The following ADRA1B variants were observed in gnomAD, a reference collection of about 807,000 sequenced individuals.
The protein encoded by ADRA1B is alpha-1B adrenergic receptor.
ADRA1B carries 17 observed loss-of-function variants against 17.9 expected under a neutral mutation model. The ratio of observed to expected loss-of-function variants is 0.95; its 90% CI spans 0.65 to 1.42. The LOEUF (loss-of-function observed/expected upper bound fraction) is 1.42. ADRA1B is among the 40% of genes most tolerant of loss of function. The probability of loss-of-function intolerance (pLI) is 0.00; values close to 1 mark genes in which losing one functional copy is unlikely to be tolerated. For synonymous variants in ADRA1B, 366 were observed against 327.6 expected (o/e 1.12, Z -1.27); for missense variants, 681 against 722.1 (o/e 0.94, Z 0.65).
chr5:159,910,360 G>T (rs559212859), intron 1 of ADRA1B, among the ~76,000 whole-genome samples: 1 of 152,326 alleles, frequency 6.6e-6, no homozygotes, highest in South Asian at 2.1e-4. Context: ...TTCAAACTCA[G>T]AATCTGTGCC....
chr5:159,953,885 G>A (rs1755498505), intron 1 of ADRA1B, among the ~76,000 whole-genome samples: 1 of 151,284 alleles, frequency 6.6e-6, no homozygotes, highest in African/African-American at 2.4e-5. Flanking sequence ...TATGTGAAAA[G>A]AGCTGGTGAA....
the ADRA1B span, among the ~76,000 whole-genome samples, chr5:159,979,327 G>A: frequency 6.6e-6 from 1 of 152,156 alleles, no homozygotes; most frequent in Non-Finnish European, 1.5e-5. Flanking sequence ...TCCTCTGAGA[G>A]GGTCAGTTTT....
At chr5:159,894,519 C>T (rs542345243) in intron 1 of ADRA1B, among the ~76,000 whole-genome samples, 5 of 152,058 alleles carry the variant, frequency 3.3e-5, no homozygotes, top group African/African-American at 9.7e-5. Context: ...AGCTTCCCAT[C>T]GGTTTAGGTC....
the ADRA1B span, among the ~76,000 whole-genome samples, chr5:159,980,803 GA>G: frequency 1.3e-5 from 2 of 152,092 alleles, no homozygotes. Flanking sequence ...TGGAGACTTA[GA>G]ATTAGCCATC....
At chr5:159,973,892 C>G (rs1755932804), downstream of ADRA1B, among the ~76,000 whole-genome samples, 1 of 152,212 alleles carries the variant, frequency 6.6e-6, no homozygotes, top group Non-Finnish European at 1.5e-5. Flanking sequence ...TGAGCAAAAT[C>G]TGAAACATTT....
At chr5:159,930,381 A>G (rs1268486168) in intron 1 of ADRA1B, among the ~76,000 whole-genome samples, 2 of 152,198 alleles carry the variant, frequency 1.3e-5, no homozygotes, top group African/African-American at 4.8e-5. Flanking sequence ...TGTAATCCCA[A>G]CACTTTGGGA....
intron 1 of ADRA1B, among the ~76,000 whole-genome samples, chr5:159,901,378 AGGAGG>A (rs1305760149): frequency 2.8e-5 from 3 of 106,380 alleles, no homozygotes; most frequent in Non-Finnish European, 5.6e-5. Context: ...AAGAAGAGGA[AGGAGG>A]AGGAGGAGGA....
intron 1 of ADRA1B, among the ~76,000 whole-genome samples, chr5:159,867,248 C>T (rs565838074): frequency 6.6e-6 from 1 of 152,170 alleles, no homozygotes; most frequent in Non-Finnish European, 1.5e-5. Flanking sequence ...ATCCTCAAGA[C>T]ATTTGCATTT....
chr5:159,960,780 GTGC>G (rs915870316), intron 1 of ADRA1B, among the ~76,000 whole-genome samples: 6 of 151,228 alleles, frequency 4.0e-5, no homozygotes, highest in Non-Finnish European at 7.4e-5. Context: ...CAGCACTCAG[GTGC>G]TGCTTATCCA....
intron 1 of ADRA1B, among the ~76,000 whole-genome samples, chr5:159,884,395 T>G (rs1284511463): frequency 6.6e-6 from 1 of 152,156 alleles, no homozygotes; most frequent in Non-Finnish European, 1.5e-5. Context: ...GGAAGTGGGT[T>G]TGTTATTATG....
At chr5:159,988,758 C>T in the ADRA1B span, among the ~76,000 whole-genome samples, 7 of 152,186 alleles carry the variant, frequency 4.6e-5, no homozygotes, top group Non-Finnish European at 8.8e-5. Context: ...GGGAGGATCA[C>T]TTGAGCCCAG....
At chr5:159,891,210 C>T (rs538226368) in intron 1 of ADRA1B, among the ~76,000 whole-genome samples, 1 of 152,234 alleles carries the variant, frequency 6.6e-6, no homozygotes, top group Non-Finnish European at 1.5e-5. Flanking sequence ...ATTTCAATAA[C>T]CCCTCAGAGC....
chr5:159,943,785 C>T (rs187248056), intron 1 of ADRA1B, among the ~76,000 whole-genome samples: 1 of 152,128 alleles, frequency 6.6e-6, no homozygotes, highest in Admixed American at 6.5e-5. Context: ...TAAAGGAACA[C>T]GATGAAACAT....
intron 1 of ADRA1B, among the ~76,000 whole-genome samples, chr5:159,959,267 A>T (rs1229053243): frequency 2.6e-5 from 4 of 152,252 alleles, no homozygotes; most frequent in Non-Finnish European, 5.9e-5. Context: ...GTGTTGGCAC[A>T]TGAATGTCAT....
chr5:159,986,705 T>C, the ADRA1B span, among the ~76,000 whole-genome samples: 2 of 152,158 alleles, frequency 1.3e-5, no homozygotes, highest in African/African-American at 2.4e-5. Context: ...ATGGACCAGA[T>C]ATTGAGAAGC....
intron 1 of ADRA1B, among the ~76,000 whole-genome samples, chr5:159,957,854 G>A (rs978262784): frequency 1.3e-4 from 19 of 148,816 alleles, no homozygotes; most frequent in Non-Finnish European, 2.2e-4. Context: ...ACTTGAACCC[G>A]GGAGGTGAAG....
chr5:159,885,308 C>T (rs1335705694), intron 1 of ADRA1B, among the ~76,000 whole-genome samples: 1 of 152,106 alleles, frequency 6.6e-6, no homozygotes, highest in Non-Finnish European at 1.5e-5. Flanking sequence ...CTAATAGAAC[C>T]TCAATCAACT....
At chr5:159,957,396 T>C (rs1435471224) in intron 1 of ADRA1B, among the ~76,000 whole-genome samples, 1 of 151,310 alleles carries the variant, frequency 6.6e-6, no homozygotes, top group East Asian at 2.0e-4. Context: ...GTTCAGCAAC[T>C]CTGTAAGCTG....
At chr5:159,884,930 G>C (rs1485840276) in intron 1 of ADRA1B, among the ~76,000 whole-genome samples, 1 of 152,218 alleles carries the variant, frequency 6.6e-6, no homozygotes, top group Non-Finnish European at 1.5e-5. Context: ...GTGAGTGACA[G>C]GCTGGAATCT....
Sources: gnomAD v4.1 joint callset for allele counts (sites outside exome capture counted in the v4.1 genomes callset) on GRCh38, gnomAD v4.1.1 for gene constraint, MANE v1.5 for transcripts, NCBI Gene and HGNC (gene_info 2026-07-23, HGNC 2026-07-21) for gene names.